L3MBTL4: variants seen among roughly 807,000 people sequenced by gnomAD.
The protein encoded by L3MBTL4 is lethal(3)malignant brain tumor-like protein 4.
L3MBTL4 carries 70 observed loss-of-function variants against 84.5 expected under a neutral mutation model. That is an observed-to-expected ratio of 0.83 (90% CI 0.68 to 1.01). L3MBTL4 has a LOEUF of 1.01. Among genes scored for constraint, L3MBTL4 ranks in the 50% least tolerant of loss-of-function variants. The pLI, the probability that L3MBTL4 is intolerant of heterozygous loss-of-function variation, is 0.00. For synonymous variants in L3MBTL4, 274 were observed against 259.8 expected (o/e 1.05, Z -0.52); for missense variants, 715 against 754.8 (o/e 0.95, Z 0.62).
intron 12 of L3MBTL4, among the ~76,000 whole-genome samples, chr18:6,177,192 A>C (rs2145286116): frequency 6.6e-6 from 1 of 152,374 alleles, no homozygotes. Flanking sequence ...TTTTATTCAT[A>C]ATAGCCCAAA....
At chr18:6,389,185 C>T (rs1158302548) in intron 1 of L3MBTL4, among the ~76,000 whole-genome samples, 1 of 152,156 alleles carries the variant, frequency 6.6e-6, no homozygotes, top group Non-Finnish European at 1.5e-5. Context: ...AATTCTGTAT[C>T]CAGCAAAATT....
chr18:6,060,845 A>T (rs1002389933), intron 16 of L3MBTL4, among the ~76,000 whole-genome samples: 3 of 152,038 alleles, frequency 2.0e-5, no homozygotes, highest in Non-Finnish European at 4.4e-5. Context: ...ATTTCTTTTT[A>T]TCACTGAATA....
At chr18:5,979,068 G>C (rs931513083) in intron 16 of L3MBTL4, among the ~76,000 whole-genome samples, 1 of 152,128 alleles carries the variant, frequency 6.6e-6, no homozygotes, top group African/African-American at 2.4e-5. Flanking sequence ...GACAACCAAC[G>C]GGGCAGGAAT....
At chr18:6,257,661 T>C (rs1330353192) in intron 5 of L3MBTL4, among the ~76,000 whole-genome samples, 3 of 149,940 alleles carry the variant, frequency 2.0e-5, no homozygotes, top group East Asian at 1.9e-4. Flanking sequence ...TTTTTTTTTT[T>C]TTTAAATGGA....
chr18:5,978,827 C>G (rs2053078393), intron 16 of L3MBTL4, among the ~76,000 whole-genome samples: 1 of 152,184 alleles, frequency 6.6e-6, no homozygotes, highest in Admixed American at 6.5e-5. Flanking sequence ...ATATGGGCAC[C>G]CAGGCCTACG....
intron 14 of L3MBTL4, among the ~76,000 whole-genome samples, chr18:6,097,536 G>A (rs1176979842): frequency 2.0e-5 from 3 of 152,154 alleles, no homozygotes; most frequent in Non-Finnish European, 4.4e-5. Context: ...TTCCACGGCA[G>A]GGGTACCTGA....
At chr18:6,129,394 G>A (rs1045063300) in intron 14 of L3MBTL4, among the ~76,000 whole-genome samples, 5 of 151,836 alleles carry the variant, frequency 3.3e-5, no homozygotes, top group African/African-American at 1.2e-4. Context: ...GTGTGTGTGT[G>A]TGTGTGTGTG....
At chr18:6,369,048 T>TAAAAA (rs34169311) in intron 1 of L3MBTL4, among the ~76,000 whole-genome samples, 4 of 138,246 alleles carry the variant, frequency 2.9e-5, no homozygotes, top group Admixed American at 7.1e-5. Flanking sequence ...TCTCAAAAAT[T>TAAAAA]AAAAAAAAAA....
At chr18:6,106,279 ATGCC>A (rs1235244331) in intron 14 of L3MBTL4, among the ~76,000 whole-genome samples, 1 of 152,230 alleles carries the variant, frequency 6.6e-6, no homozygotes, top group Non-Finnish European at 1.5e-5. Flanking sequence ...ACCTGGCACA[ATGCC>A]TTGTACATAC....
chr18:6,258,415 C>T lies in L3MBTL4; in HGVS notation c.219+5532G>A, dbSNP rs531533693. The stretch of plus-strand genomic sequence containing the variant: ...ACGCATTAGTCAGGAGCTGGGATTG[C>T]GGTGGGCATGGATGGGGAGAGGATA... On this transcript the variant is annotated intron_variant, in intron 5 of 18. Transcript: ENST00000317931. Among the ~76,000 whole-genome samples, 7 of 152,150 alleles carry T rather than the reference C, an allele frequency of 4.6e-5. 1 individual carries two copies. The highest frequency in any genetic ancestry group is 4.2e-4 in the South Asian group (2 of 4,808).
At chr18:6,408,551 T>C (rs539072057) in intron 1 of L3MBTL4, among the ~76,000 whole-genome samples, 1 of 152,320 alleles carries the variant, frequency 6.6e-6, no homozygotes, top group East Asian at 1.9e-4. Flanking sequence ...AGCCACCTCC[T>C]TTAGAACATA....
intron 10 of L3MBTL4, among the ~76,000 whole-genome samples, chr18:6,237,016 G>C (rs576948810): frequency 6.6e-6 from 1 of 152,162 alleles, no homozygotes; most frequent in South Asian, 2.1e-4. Flanking sequence ...CTGTCTGCTT[G>C]AACACTTGTG....
chr18:6,249,080 C>T (rs567574634), intron 5 of L3MBTL4, among the ~76,000 whole-genome samples: 2 of 152,268 alleles, frequency 1.3e-5, no homozygotes, highest in Non-Finnish European at 2.9e-5. Flanking sequence ...GCCTTCTTCT[C>T]ACATCTACTA....
chr18:6,192,504 T>C (rs930093458), intron 12 of L3MBTL4, among the ~76,000 whole-genome samples: 58 of 151,692 alleles, frequency 3.8e-4, no homozygotes, highest in African/African-American at 1.1e-3. Context: ...TATGTGTGAG[T>C]CCTAGAGTTC....
chr18:6,122,054 C>A (rs550333815), intron 14 of L3MBTL4, among the ~76,000 whole-genome samples: 93 of 152,206 alleles, frequency 6.1e-4, no homozygotes, highest in African/African-American at 2.1e-3. Flanking sequence ...ATGAGTTGTG[C>A]AGTGATGGGA....
intron 13 of L3MBTL4, among the ~76,000 whole-genome samples, chr18:6,138,933 T>C (rs2060114299): frequency 1.3e-5 from 2 of 152,184 alleles, no homozygotes; most frequent in Admixed American, 1.3e-4. Context: ...TGCGAATACG[T>C]AAGGTCTGCT....
At chr18:5,963,318 C>T (rs1184193869) in intron 17 of L3MBTL4, among the ~76,000 whole-genome samples, 2 of 152,236 alleles carry the variant, frequency 1.3e-5, no homozygotes, top group Non-Finnish European at 2.9e-5. Context: ...AAAAAAGGAC[C>T]ACAGTCTCCC....
chr18:6,401,261 G>T (rs964842905), intron 1 of L3MBTL4, among the ~76,000 whole-genome samples: 4 of 152,142 alleles, frequency 2.6e-5, no homozygotes, highest in Admixed American at 6.5e-5. Flanking sequence ...ATAACAGCAC[G>T]TGGCACATAC....
intron 1 of L3MBTL4, chr18:6,396,999 T>C (rs188952184): frequency 2.0e-5 from 3 of 152,318 alleles, no homozygotes; most frequent in African/African-American, 4.8e-5. Flanking sequence ...TAAAAATAGA[T>C]GTTTAGGAAT....
Sources: gnomAD v4.1 joint callset for allele counts (sites outside exome capture counted in the v4.1 genomes callset) on GRCh38, gnomAD v4.1.1 for gene constraint, MANE v1.5 for transcripts, NCBI Gene and HGNC (gene_info 2026-07-23, HGNC 2026-07-21) for gene names.